ADAM29: variants seen among roughly 807,000 people sequenced by gnomAD.
The protein encoded by ADAM29 is disintegrin and metalloproteinase domain-containing protein 29.
For synonymous variants in ADAM29, 367 were observed against 342.3 expected, an observed-to-expected ratio of 1.07 and a Z score of -0.80; for missense variants, 969 against 1,001.8, an observed-to-expected ratio of 0.97 and a Z score of 0.44.
At chr4:174,956,325 A>G (rs1745494553) in intron 4 of ADAM29, among the ~76,000 whole-genome samples, 1 of 151,946 alleles carries the variant, frequency 6.6e-6, no homozygotes, top group Non-Finnish European at 1.5e-5. Flanking sequence ...AATTTCTTTA[A>G]TGTATATATA....
At chr4:174,933,665 T>G (rs1465337000) in intron 3 of ADAM29, among the ~76,000 whole-genome samples, 1 of 152,160 alleles carries the variant, frequency 6.6e-6, no homozygotes, top group Non-Finnish European at 1.5e-5. Context: ...TGTCTATTGT[T>G]CCCTCTTTGT....
rs968105002 is a variant in ADAM29 at position 174,976,694 on chromosome 4, A to G, written c.1169A>G (p.His390Arg). Reference protein sequence around the residue: ...ERTKCLLETVHTKDIFNVKRC... With the variant: ...ERTKCLLETVRTKDIFNVKRC... ...ACAAAGTGTTTGCTTGAAACAGTAC[A>G]CACAAAGGACATCTTTAATGTGAAG... Residue 390 changes from histidine to arginine, a missense_variant, in exon 5 of 5, where the codon CAC becomes CGC. Coordinates refer to ENST00000359240, the MANE Select transcript of ADAM29 (RefSeq NM_014269.4). 18 of 1,613,962 alleles carry G rather than the reference A, an allele frequency of 1.1e-5. No individual in the cohort carries two copies. Among genetic ancestry groups the G allele is most frequent in the Non-Finnish European group, 1.5e-5 (18 of 1,179,970 alleles).
intron 4 of ADAM29, among the ~76,000 whole-genome samples, chr4:174,956,864 G>C (rs1745536225): frequency 6.6e-6 from 1 of 151,720 alleles, no homozygotes; most frequent in African/African-American, 2.4e-5. Flanking sequence ...GCTTCTATAA[G>C]CAAATTTTCC....
chr4:174,975,965 A>T lies in ADAM29; in HGVS notation c.440A>T (p.His147Leu). Reference protein sequence around the residue: ...KPLAFSTTFEHLVYKMDSEEK... With the variant: ...KPLAFSTTFELLVYKMDSEEK... ...CTAGCATTTTCTACCACGTTTGAACATCTGGTATACAAGATGGACAGTGAG... is the reference window on the plus strand; with the variant it reads ...CTAGCATTTTCTACCACGTTTGAACTTCTGGTATACAAGATGGACAGTGAG... The change falls in exon 5 of 5, where the codon CAT (histidine) becomes CTT (leucine). Residue 147 changes from histidine (H) to leucine (L), a missense_variant. His to Leu is a moderately conservative substitution (Grantham distance 99). Coordinates refer to ENST00000359240, the MANE Select transcript of ADAM29 (RefSeq NM_014269.4). 1 of 1,614,142 alleles carries T rather than the reference A, an allele frequency of 6.2e-7. No homozygotes were observed. The highest frequency in any genetic ancestry group is 8.5e-7 in the Non-Finnish European group (1 of 1,180,020).
intron 2 of ADAM29, among the ~76,000 whole-genome samples, chr4:174,927,633 G>A (rs755185732): frequency 4.6e-5 from 7 of 152,096 alleles, no homozygotes; most frequent in Non-Finnish European, 7.4e-5. Context: ...ATTAAGTTTT[G>A]TCTGTTGATC....
At chr4:174,937,893 G>A (rs1363217197) in intron 4 of ADAM29, among the ~76,000 whole-genome samples, 3 of 152,176 alleles carry the variant, frequency 2.0e-5, no homozygotes, top group East Asian at 3.9e-4. Context: ...AAAGCCAGGA[G>A]TGAAAGAAGC....
chr4:174,974,953 G>A (rs1346910754), intron 4 of ADAM29, among the ~76,000 whole-genome samples: 3 of 152,214 alleles, frequency 2.0e-5, no homozygotes, highest in South Asian at 4.1e-4. Context: ...ATCTATTAAT[G>A]CTTATGACAA....
At chr4:174,924,998 C>G (rs923931937) in intron 2 of ADAM29, among the ~76,000 whole-genome samples, 1 of 152,172 alleles carries the variant, frequency 6.6e-6, no homozygotes, top group Non-Finnish European at 1.5e-5. Flanking sequence ...AGGCACTTTC[C>G]CTTTGTGGCC....
At chr4:174,921,535 G>C (rs138406974) in intron 2 of ADAM29, among the ~76,000 whole-genome samples, 1 of 152,226 alleles carries the variant, frequency 6.6e-6, no homozygotes, top group Admixed American at 6.5e-5. Flanking sequence ...CCAGATGGAC[G>C]CACAAAAGCC....
intron 2 of ADAM29, among the ~76,000 whole-genome samples, chr4:174,926,439 A>T (rs1743520468): frequency 6.6e-6 from 1 of 152,138 alleles, no homozygotes; most frequent in Non-Finnish European, 1.5e-5. Context: ...ATAAGGCAAA[A>T]GTATAAGGAC....
At chr4:174,950,759 G>A (rs2111015629) in intron 4 of ADAM29, among the ~76,000 whole-genome samples, 1 of 152,272 alleles carries the variant, frequency 6.6e-6, no homozygotes, top group South Asian at 2.1e-4. Flanking sequence ...AATCTTCAGT[G>A]TTGAAGGAAG....
At position 174,977,037 on chromosome 4, in the gene ADAM29, G is replaced by A. The variant is rs370907237; in HGVS notation, c.1512G>A (p.Gln504=). 6.8e-6 allele frequency: 11 copies of A among 1,614,194 alleles called. No individual in the cohort carries two copies. Among genetic ancestry groups the A allele is most frequent in the Non-Finnish European group, 9.3e-6 (11 of 1,180,038 alleles). ...AGAGCTGTCATGACCGCAATGAACA[G>A]TGTAGGAGGATTTTTGGTGCAGGCG... The part of the protein sequence containing the change: ...YEKSCHDRNE[Q]CRRIFGAGAN... Residue 504 remains glutamine, a synonymous_variant, in exon 5 of 5, where the codon CAG becomes CAA. Coordinates refer to ENST00000359240, the MANE Select transcript of ADAM29 (RefSeq NM_014269.4).
chr4:174,957,286 T>C (rs1041307689), intron 4 of ADAM29, among the ~76,000 whole-genome samples: 1 of 151,858 alleles, frequency 6.6e-6, no homozygotes, highest in Non-Finnish European at 1.5e-5. Context: ...GTAATGAGCT[T>C]AATGCTAAGG....
At chr4:174,948,982 G>A (rs1160588513) in intron 4 of ADAM29, among the ~76,000 whole-genome samples, 2 of 152,154 alleles carry the variant, frequency 1.3e-5, no homozygotes, top group African/African-American at 4.8e-5. Context: ...GCTGCACGGG[G>A]AGTCTTCAGC....
intron 3 of ADAM29, among the ~76,000 whole-genome samples, chr4:174,931,577 G>A (rs1344994583): frequency 6.6e-6 from 1 of 151,998 alleles, no homozygotes; most frequent in African/African-American, 2.4e-5. Flanking sequence ...ATATATTGTT[G>A]ATAGAAACAT....
At chr4:174,956,209 G>A (rs4476578) in intron 4 of ADAM29, among the ~76,000 whole-genome samples, 63,583 of 151,680 alleles carry the variant, frequency 0.42, 13,874 homozygotes, top group African/African-American at 0.54. Context: ...AATGTGTTCC[G>A]TCTGTCAACT....
chr4:174,932,204 T>C (rs955952722), intron 3 of ADAM29, among the ~76,000 whole-genome samples: 2 of 152,068 alleles, frequency 1.3e-5, no homozygotes, highest in African/African-American at 4.8e-5. Context: ...GGAGAATCAC[T>C]TGAACCTGGG....
intron 4 of ADAM29, among the ~76,000 whole-genome samples, chr4:174,964,185 G>C (rs540999091): frequency 2.0e-5 from 3 of 152,062 alleles, no homozygotes; most frequent in African/African-American, 7.2e-5. Flanking sequence ...AGGTGATTAA[G>C]ATTAACTGAA....
intron 4 of ADAM29, among the ~76,000 whole-genome samples, chr4:174,960,616 T>G (rs1560884302): frequency 6.6e-6 from 1 of 152,156 alleles, no homozygotes; most frequent in Non-Finnish European, 1.5e-5. Context: ...AATTGCTCTA[T>G]CAAATGCTTT....
Sources: allele counts gnomAD v4.1 joint callset (sites outside exome capture counted in the v4.1 genomes callset), GRCh38; gene constraint gnomAD v4.1.1; transcripts MANE v1.5; gene names NCBI Gene and HGNC (gene_info 2026-07-23, HGNC 2026-07-21).